The following ASIC5 variants were observed in gnomAD, a reference collection of about 807,000 sequenced individuals.
ASIC5 encodes bile acid-sensitive ion channel.
A neutral mutation model predicts 51.2 loss-of-function variants in ASIC5; 52 were observed. That is an observed-to-expected ratio of 1.02 (90% CI 0.81 to 1.28). ASIC5 has a LOEUF of 1.28. Among genes scored for constraint, ASIC5 ranks in the 50% most tolerant of loss-of-function variants. The probability of loss-of-function intolerance (pLI) is 0.00; values close to 1 mark genes in which losing one functional copy is unlikely to be tolerated. For synonymous variants in ASIC5, 231 were observed against 200.7 expected, an observed-to-expected ratio of 1.15 and a Z score of -1.28; for missense variants, 635 against 595.0, an observed-to-expected ratio of 1.07 and a Z score of -0.70.
intron 2 of ASIC5, among the ~76,000 whole-genome samples, chr4:155,858,370 A>G (rs531559790): frequency 4.7e-4 from 72 of 152,250 alleles, no homozygotes; most frequent in African/African-American, 1.7e-3. Flanking sequence ...ATCAATTACA[A>G]GTAAAACTAG....
chr4:155,849,290 T>A (rs1741324829), intron 4 of ASIC5, among the ~76,000 whole-genome samples: 2 of 151,984 alleles, frequency 1.3e-5, no homozygotes, highest in Admixed American at 1.3e-4. Context: ...GAACCTCGAG[T>A]GGCGAGGAGA....
chr4:155,849,230 A>C (rs1741322966), intron 4 of ASIC5, among the ~76,000 whole-genome samples: 1 of 152,022 alleles, frequency 6.6e-6, no homozygotes, highest in Non-Finnish European at 1.5e-5. Flanking sequence ...ACCTGTGGTA[A>C]GTAAAGAATG....
At chr4:155,857,290 A>AT (rs1378477771) in intron 2 of ASIC5, among the ~76,000 whole-genome samples, 1 of 151,874 alleles carries the variant, frequency 6.6e-6, no homozygotes, top group East Asian at 1.9e-4. Flanking sequence ...TGCCCAGCTA[A>AT]TTTTTGTATT....
At chr4:155,831,963 C>G in intron 8 of ASIC5, 48 bp from the exon 9 acceptor site, 2 of 980,770 alleles carry the variant, frequency 2.0e-6, no homozygotes, top group Non-Finnish European at 3.1e-6. Flanking sequence ...GTCAGCATTA[C>G]TTTTAATTCC....
At position 155,830,013 on chromosome 4, in the gene ASIC5, C is replaced by T; in HGVS notation, c.1361G>A (p.Gly454Glu). The T allele has an allele frequency of 6.4e-7, 1 of 1,574,248 alleles. No homozygotes were observed. ...DLGGQLGLFC[G>E]ASLITIIEII... ...TTCTATGATCGTGATCAGACTGGCC[C>T]CACAAAATAGACCCAGCTGACCACC... Residue 454 changes from glycine to glutamate, a missense_variant, in exon 10 of 10, where the codon GGG (glycine) becomes GAG (glutamate). Transcript: ENST00000537611.
At chr4:155,830,158 T>C in intron 9 of ASIC5, 112 bp from the exon 10 acceptor site, 2 of 656,768 alleles carry the variant, frequency 3.0e-6, no homozygotes, top group Non-Finnish European at 5.0e-6. Flanking sequence ...TGAAGATTGG[T>C]TAATTTTATT....
chr4:155,863,323 G>T (rs1329998205), intron 2 of ASIC5, 125 bp downstream of exon 2: 3 of 724,712 alleles, frequency 4.1e-6, no homozygotes, highest in Admixed American at 5.9e-5. Context: ...CAATTTAAGT[G>T]CAATTTAATT....
Position 155,836,847 on chromosome 4 carries a change from T to C in ASIC5, c.1077A>G (p.Glu359=). The part of the protein sequence containing the change: ...SCVSPVLDHI[E]FKDLCTVGTH... ...TTCCTACTGTACATAAATCCTTAAA[T>C]TCAATGTGGTCTGAAATGAAAATCA... is the stretch of plus-strand genomic sequence containing the variant. Residue 359 remains glutamate (E), a synonymous_variant, in exon 8 of 10, where the codon GAA becomes GAG. Transcript: ENST00000537611. 1 of 1,592,406 alleles carries C rather than the reference T, an allele frequency of 6.3e-7. No individual in the cohort carries two copies. Among genetic ancestry groups the C allele is most frequent in the Non-Finnish European group, 8.6e-7 (1 of 1,167,744 alleles).
intron 1 of ASIC5, 27 bp downstream of exon 1, chr4:155,866,160 G>C: frequency 6.7e-7 from 1 of 1,481,848 alleles, no homozygotes; most frequent in Non-Finnish European, 9.4e-7. Context: ...AAATATTACT[G>C]CTCTGAGGAG....
At chr4:155,843,252 G>A (rs1741161457) in intron 5 of ASIC5, among the ~76,000 whole-genome samples, 1 of 152,068 alleles carries the variant, frequency 6.6e-6, no homozygotes, top group Non-Finnish European at 1.5e-5. Flanking sequence ...TATTTGTGCA[G>A]AGAGGAGATG....
intron 8 of ASIC5, among the ~76,000 whole-genome samples, chr4:155,833,201 T>G (rs1740908482): frequency 6.6e-6 from 1 of 152,142 alleles, no homozygotes; most frequent in Non-Finnish European, 1.5e-5. Flanking sequence ...GGGAGCAAAT[T>G]AAAGATGAAA....
rs368591363 is a variant in ASIC5, at chr4:155,836,878, G to C, written c.1067-21C>G. 5.5e-5 allele frequency: 85 copies of C among 1,541,392 alleles called. No individual in the cohort carries two copies. The African/African-American group carries it at 1.0e-3, about 19-fold the overall frequency. ...GTGGTCTGAAATGAAAATCAGGACA[G>C]GGAATTCAGAGAAGAGAAATATTTC... is the stretch of plus-strand genomic sequence containing the variant. On this transcript the variant is annotated intron_variant, in intron 7 of 9. Transcript: ENST00000537611.
Position 155,831,881 on chromosome 4 carries a change from C to A in ASIC5, c.1270G>T (p.Asp424Tyr). ...TGCTGGGTTATCTTATAGTTTAGGTCACTATAGTTAATTTCAATTTTTACA... is the reference window on the plus strand; with the variant it reads ...TGCTGGGTTATCTTATAGTTTAGGTAACTATAGTTAATTTCAATTTTTACA... ...NLVKIEINYS[D>Y]LNYKITQQQK... The change falls in exon 9 of 10, where the codon GAC (aspartate) becomes TAC (tyrosine). Residue 424 changes from aspartate (D) to tyrosine (Y), a missense_variant. Asp to Tyr is a radical substitution (Grantham distance 160). Transcript: ENST00000537611. 6.2e-7 allele frequency: 1 copy of A among 1,605,838 alleles called. No homozygotes were observed. The highest frequency in any genetic ancestry group is 1.7e-5 in the Admixed American group (1 of 59,786).
chr4:155,853,988 G>A, intron 3 of ASIC5, 89 bp downstream of exon 3: 1 of 965,456 alleles, frequency 1.0e-6, no homozygotes, highest in Non-Finnish European at 1.6e-6. Flanking sequence ...GATTCACCAT[G>A]GGAGTAAATG....
intron 2 of ASIC5, among the ~76,000 whole-genome samples, chr4:155,858,181 A>G (rs1019846776): frequency 3.3e-5 from 5 of 152,120 alleles, no homozygotes; most frequent in East Asian, 1.9e-4. Context: ...GAAAAGCACT[A>G]GAATTGATAC....
chr4:155,861,032 TG>T (rs1741690166), intron 2 of ASIC5, among the ~76,000 whole-genome samples: 3 of 152,080 alleles, frequency 2.0e-5, no homozygotes, highest in Middle Eastern at 3.4e-3. Flanking sequence ...AGGTGTGCAT[TG>T]TTTAATATTT....
intron 4 of ASIC5, among the ~76,000 whole-genome samples, chr4:155,847,911 T>C (rs1741293944): frequency 6.6e-6 from 1 of 152,008 alleles, no homozygotes. Flanking sequence ...AAAGGCACAA[T>C]GATGCAAGAC....
intron 2 of ASIC5, among the ~76,000 whole-genome samples, chr4:155,861,856 A>T (rs371523890): frequency 3.3e-5 from 5 of 151,990 alleles, no homozygotes; most frequent in African/African-American, 1.2e-4. Flanking sequence ...AACTTCAGTC[A>T]TTGGATTTAG....
At chr4:155,853,169 TG>T (rs1389046488) in intron 3 of ASIC5, among the ~76,000 whole-genome samples, 3 of 152,056 alleles carry the variant, frequency 2.0e-5, no homozygotes, top group Non-Finnish European at 4.4e-5. Flanking sequence ...AATTTTTTGT[TG>T]GTAAGTTAAA....
Sources: gnomAD v4.1 joint callset for allele counts (sites outside exome capture counted in the v4.1 genomes callset) on GRCh38, gnomAD v4.1.1 for gene constraint, MANE v1.5 for transcripts, NCBI Gene and HGNC (gene_info 2026-07-23, HGNC 2026-07-21) for gene names.